PLD5: variants seen among roughly 807,000 people sequenced by gnomAD.
The protein encoded by PLD5 is inactive phospholipase D5.
PLD5 carries 36 observed loss-of-function variants against 61.1 expected under a neutral mutation model. The ratio of observed to expected loss-of-function variants is 0.59; its 90% CI spans 0.45 to 0.78. PLD5 has a LOEUF of 0.78. PLD5 is among the 30% of genes least tolerant of loss of function. The pLI, the probability that PLD5 is intolerant of heterozygous loss-of-function variation, is 0.00. For synonymous variants in PLD5, 243 were observed against 242.8 expected (o/e 1.00, Z -0.01); for missense variants, 515 against 644.4 (o/e 0.80, Z 2.17).
chr1:242,233,853 A>C (rs1022316610), intron 4 of PLD5, among the ~76,000 whole-genome samples: 1 of 152,192 alleles, frequency 6.6e-6, no homozygotes, highest in African/African-American at 2.4e-5. Flanking sequence ...TGAGTGAAAG[A>C]AATCAGTCGT....
intron 3 of PLD5, among the ~76,000 whole-genome samples, chr1:242,275,693 G>T (rs527317748): frequency 6.6e-6 from 1 of 152,180 alleles, no homozygotes; most frequent in Non-Finnish European, 1.5e-5. Flanking sequence ...GCATAGCATG[G>T]CATCAATAAT....
intron 2 of PLD5, among the ~76,000 whole-genome samples, chr1:242,337,383 C>G (rs1659581771): frequency 6.6e-6 from 1 of 152,106 alleles, no homozygotes; most frequent in Non-Finnish European, 1.5e-5. Flanking sequence ...GTAATCCCAG[C>G]ACTTTGGGAG....
chr1:242,268,145 T>C (rs1204922765), intron 3 of PLD5, among the ~76,000 whole-genome samples: 2 of 152,134 alleles, frequency 1.3e-5, no homozygotes, highest in East Asian at 3.9e-4. Flanking sequence ...TAATACCTCC[T>C]TTTCAGCTTT....
intron 2 of PLD5, among the ~76,000 whole-genome samples, chr1:242,329,635 T>C (rs1659045481): frequency 6.6e-6 from 1 of 152,224 alleles, no homozygotes; most frequent in Non-Finnish European, 1.5e-5. Flanking sequence ...CCCTTTTGTA[T>C]ATCTTGACTG....
At chr1:242,289,076 T>C (rs1675199395) in intron 2 of PLD5, among the ~76,000 whole-genome samples, 1 of 152,214 alleles carries the variant, frequency 6.6e-6, no homozygotes, top group Non-Finnish European at 1.5e-5. Flanking sequence ...TTATAAAACC[T>C]GCTTGTTGCA....
intron 1 of PLD5, among the ~76,000 whole-genome samples, chr1:242,350,881 T>C (rs972179238): frequency 2.3e-4 from 35 of 150,310 alleles, no homozygotes; most frequent in African/African-American, 8.2e-4. Flanking sequence ...CTGTAAGACA[T>C]GGATTCTGTT....
At chr1:242,223,839 G>GAT (rs1670759375) in intron 4 of PLD5, among the ~76,000 whole-genome samples, 1 of 135,736 alleles carries the variant, frequency 7.4e-6, no homozygotes, top group Non-Finnish European at 1.5e-5. Flanking sequence ...AATAGCTGTA[G>GAT]ATATATATAA....
intron 1 of PLD5, among the ~76,000 whole-genome samples, chr1:242,421,536 C>A (rs747316739): frequency 1.3e-5 from 2 of 152,148 alleles, no homozygotes; most frequent in Non-Finnish European, 2.9e-5. Context: ...GCAAATCATA[C>A]GACCAAGCCT....
chr1:242,100,796 A>C lies in PLD5; in HGVS notation c.1240-14T>G, dbSNP rs898267983. On this transcript the variant is annotated splice_polypyrimidine_tract_variant and intron_variant, in intron 8 of 9. Coordinates refer to ENST00000536534, the MANE Select transcript of PLD5 (RefSeq NM_001372062.1). Reference sequence around the variant, plus strand: ...ATCAAAAAATTTCTGTAAGAAAAAAAAAAAGGGGGCAGGTAAATAAGAGGA... The same window carrying C: ...ATCAAAAAATTTCTGTAAGAAAAAACAAAAGGGGGCAGGTAAATAAGAGGA... 3 of 1,569,716 alleles carry C rather than the reference A, an allele frequency of 1.9e-6. No individual in the cohort carries two copies. Among genetic ancestry groups the C allele is most frequent in the African/African-American group, 2.7e-5 (2 of 73,700 alleles).
chr1:242,386,854 T>C (rs998936764), intron 1 of PLD5, among the ~76,000 whole-genome samples: 3 of 152,232 alleles, frequency 2.0e-5, no homozygotes, highest in Non-Finnish European at 2.9e-5. Context: ...TTTGTAGACA[T>C]TGTCCCTATT....
chr1:242,409,651 C>A (rs1382797684), intron 1 of PLD5, among the ~76,000 whole-genome samples: 1 of 152,180 alleles, frequency 6.6e-6, no homozygotes, highest in Non-Finnish European at 1.5e-5. Flanking sequence ...AGAGAGGAAA[C>A]CAGCCAGTTA....
intron 1 of PLD5, among the ~76,000 whole-genome samples, chr1:242,379,566 C>T (rs1662165381): frequency 6.6e-6 from 1 of 151,998 alleles, no homozygotes; most frequent in Admixed American, 6.6e-5. Flanking sequence ...TATGGGCATA[C>T]AATCGACAGT....
intron 1 of PLD5, among the ~76,000 whole-genome samples, chr1:242,389,532 T>TG (rs1196169347): frequency 6.6e-6 from 1 of 151,750 alleles, no homozygotes; most frequent in Non-Finnish European, 1.5e-5. Flanking sequence ...CTCACTGTGC[T>TG]GGGGAAAAAA....
Position 242,247,844 on chromosome 1 carries a change from G to A in PLD5, c.607+17493C>T, listed in dbSNP as rs557286203. 1.3e-4 allele frequency among the ~76,000 whole-genome samples: 20 copies of A among 152,272 alleles called. 1 individual carries two copies. In the South Asian group the frequency reaches 1.5e-3, roughly 11 times the overall value. On this transcript the variant is annotated intron_variant, in intron 4 of 9. Coordinates refer to ENST00000536534, the MANE Select transcript of PLD5 (RefSeq NM_001372062.1). ...TTCTAAAAACCGTGCTGCAGTGTAC[G>A]TCTTTGTACATAATCTTTGTGAACC...
rs138678634 is a variant in PLD5 at position 242,212,368 on chromosome 1, T to A, written c.735+7620A>T. Among the ~76,000 whole-genome samples, 299 of 152,326 alleles carry A rather than the reference T, an allele frequency of 2.0e-3. 2 individuals are homozygous for A. The highest frequency in any genetic ancestry group is 7.0e-3 in the African/African-American group (291 of 41,566). On this transcript the variant is annotated intron_variant, in intron 5 of 9. Transcript: ENST00000536534. ...TGTATAAACCCATTTCTTTTAACGC[T>A]TATTTAAAAATACGAAAAAACATTA...
At chr1:242,367,748 ACT>A (rs1661423210) in intron 1 of PLD5, among the ~76,000 whole-genome samples, 1 of 152,116 alleles carries the variant, frequency 6.6e-6, no homozygotes, top group Non-Finnish European at 1.5e-5. Flanking sequence ...GTAAAAACAA[ACT>A]CTGGAGAAAA....
intron 1 of PLD5, among the ~76,000 whole-genome samples, chr1:242,352,508 A>ACATGGGTG (rs1324434000): frequency 6.6e-6 from 1 of 152,240 alleles, no homozygotes; most frequent in Non-Finnish European, 1.5e-5. Flanking sequence ...GGTGCAATAA[A>ACATGGGTG]CATGGGTGTG....
intron 3 of PLD5, among the ~76,000 whole-genome samples, chr1:242,275,839 G>C (rs1345220266): frequency 6.6e-6 from 1 of 152,222 alleles, no homozygotes; most frequent in African/African-American, 2.4e-5. Flanking sequence ...GAAGGGCCTT[G>C]TAAGACGCAT....
At chr1:242,373,327 C>T (rs551094440) in intron 1 of PLD5, among the ~76,000 whole-genome samples, 41 of 152,226 alleles carry the variant, frequency 2.7e-4, no homozygotes, top group South Asian at 6.2e-4. Flanking sequence ...TGTGGAGAAA[C>T]AGGAACACTT....
Sources: allele counts gnomAD v4.1 joint callset (sites outside exome capture counted in the v4.1 genomes callset), GRCh38; gene constraint gnomAD v4.1.1; transcripts MANE v1.5; gene names NCBI Gene and HGNC (gene_info 2026-07-23, HGNC 2026-07-21).